The following RNF213 variants were observed in gnomAD, a reference collection of about 807,000 sequenced individuals.
The protein encoded by RNF213 is E3 ubiquitin-protein ligase RNF213.
Under a neutral mutation model 514.4 loss-of-function variants are expected in RNF213, and 341 were observed. The observed-to-expected ratio is 0.66, with a 90% CI of 0.61 to 0.73. The LOEUF (loss-of-function observed/expected upper bound fraction) is 0.73. Among genes scored for constraint, RNF213 ranks in the 30% least tolerant of loss-of-function variants. The pLI, the probability that RNF213 is intolerant of heterozygous loss-of-function variation, is 0.00. For synonymous variants in RNF213, 2,655 were observed against 2,658.2 expected, an observed-to-expected ratio of 1.00 and a Z score of 0.04; for missense variants, 5,767 against 6,615.6, an observed-to-expected ratio of 0.87 and a Z score of 4.45.
Position 80,336,257 on chromosome 17 carries a change from T to C in RNF213, c.4406T>C (p.Val1469Ala), listed in dbSNP as rs2077984708. Residue 1469 changes from valine to alanine, a missense_variant, in exon 23 of 68, where the codon GTG (valine) becomes GCG (alanine). By Grantham distance (64) the Val-to-Ala change is moderately conservative. Coordinates refer to ENST00000582970, the MANE Select transcript of RNF213 (RefSeq NM_001256071.3). Reference sequence around the variant, plus strand: ...CGGGTGGCCTGCTTCCATGACGCTGTGCAGGGCTACGCATCCCTGCTATTT... The same window carrying C: ...CGGGTGGCCTGCTTCCATGACGCTGCGCAGGGCTACGCATCCCTGCTATTT... ...VDRVACFHDAVQGYASLLFKL... is the reference protein window; with the variant it reads ...VDRVACFHDAAQGYASLLFKL... 1 of 1,537,122 alleles carries C rather than the reference T, an allele frequency of 6.5e-7. No homozygotes were observed. Among genetic ancestry groups the C allele is most frequent in the African/African-American group, 1.4e-5 (1 of 73,052 alleles).
At chr17:80,329,913 T>C (rs980300006) in intron 20 of RNF213, among the ~76,000 whole-genome samples, 1 of 152,234 alleles carries the variant, frequency 6.6e-6, no homozygotes, top group African/African-American at 2.4e-5. Context: ...CCTTGAGTTC[T>C]GGGAAATTCT....
At chr17:80,326,176 T>C (rs550802839) in intron 18 of RNF213, among the ~76,000 whole-genome samples, 1 of 152,002 alleles carries the variant, frequency 6.6e-6, no homozygotes, top group Non-Finnish European at 1.5e-5. Flanking sequence ...TAGCATGTAG[T>C]AGAGTGATGC....
At chr17:80,291,546 G>T in intron 7 of RNF213, 82 bp from the exon 8 acceptor site, 2 of 1,356,800 alleles carry the variant, frequency 1.5e-6, no homozygotes, top group Non-Finnish European at 1.1e-6. Flanking sequence ...TTATAGCTTT[G>T]CACTCCATGC....
chr17:80,261,403 A>C (rs945076498), intron 1 of RNF213, among the ~76,000 whole-genome samples: 6 of 152,112 alleles, frequency 3.9e-5, no homozygotes, highest in Admixed American at 3.9e-4. Flanking sequence ...CGTCCTTCCG[A>C]CTTGGCGAAG....
At chr17:80,282,832 G>A (rs2044346046) in intron 3 of RNF213, among the ~76,000 whole-genome samples, 1 of 151,998 alleles carries the variant, frequency 6.6e-6, no homozygotes, top group Admixed American at 6.6e-5. Flanking sequence ...AGAGTAGCTG[G>A]GATTACAGGT....
In RNF213 at chr17:80,388,618, C is replaced by T; in HGVS notation, c.14929C>T (p.Pro4977Ser). The change falls in exon 64 of 68, where the codon CCC becomes TCC. Residue 4977 changes from proline to serine, a missense_variant. By Grantham distance (74) the Pro-to-Ser change is moderately conservative. Coordinates refer to ENST00000582970, the MANE Select transcript of RNF213 (RefSeq NM_001256071.3). The part of the protein sequence containing the change: ...GKPRLSLKGI[P>S]TLVYRHDWNY... ...TTTTTCTTTCCCAATTTAGGGAATA[C>T]CCACTCTGGTGTACAGACACGACTG... The T allele has an allele frequency of 6.2e-7, 1 of 1,607,718 alleles. No individual in the cohort carries two copies. Among genetic ancestry groups the T allele is most frequent in the South Asian group, 1.1e-5 (1 of 90,962 alleles).
At chr17:80,275,390 A>G (rs957122422) in intron 3 of RNF213, among the ~76,000 whole-genome samples, 1 of 151,960 alleles carries the variant, frequency 6.6e-6, no homozygotes, top group Non-Finnish European at 1.5e-5. Context: ...ATTGAAGGCA[A>G]ATGAATAAAC....
intron 37 of RNF213, 23 bp downstream of exon 37, chr17:80,358,502 C>A: frequency 6.2e-7 from 1 of 1,602,692 alleles, no homozygotes; most frequent in Non-Finnish European, 8.5e-7. Context: ...CTTTCTTTCC[C>A]TGGGGAGAGA....
chr17:80,272,912 C>G lies in RNF213; in HGVS notation c.98-329C>G, dbSNP rs142656779. ...GTAGGGGAGGAAAGCGTAACAGGCTCTGTTTTAGAGGTGCCCGAGGTGCGC... is the reference window on the plus strand; with the variant it reads ...GTAGGGGAGGAAAGCGTAACAGGCTGTGTTTTAGAGGTGCCCGAGGTGCGC... On this transcript the variant is annotated intron_variant, in intron 2 of 67. Coordinates refer to ENST00000582970, the MANE Select transcript of RNF213 (RefSeq NM_001256071.3). 1.3e-3 allele frequency among the ~76,000 whole-genome samples: 203 copies of G among 151,720 alleles called. 1 individual carries two copies. The highest frequency in any genetic ancestry group is 4.5e-3 in the African/African-American group (185 of 41,550).
chr17:80,280,916 G>A (rs112185589), intron 3 of RNF213, among the ~76,000 whole-genome samples: 172 of 152,142 alleles, frequency 1.1e-3, no homozygotes, highest in African/African-American at 3.9e-3. Context: ...CTGGGGATGC[G>A]CACGGAGCAT....
Position 80,337,840 on chromosome 17 carries a change from C to T in RNF213, c.4676C>T (p.Pro1559Leu), listed in dbSNP as rs1313718136. 1.3e-6 allele frequency: 2 copies of T among 1,537,072 alleles called. No individual in the cohort carries two copies. Among genetic ancestry groups the T allele is most frequent in the South Asian group, 1.2e-5 (1 of 84,052 alleles). The change falls in exon 25 of 68, where the codon CCA becomes CTA. Residue 1559 changes from proline (P) to leucine (L), a missense_variant. Around this residue, in one of 13 missense-constraint regions of RNF213, gnomAD observed 1,377 missense variants for 1,635.2 expected, o/e 0.84. Transcript: ENST00000582970. ...QAPKGGQKISPDTVLHLILPE... is the reference protein window; with the variant it reads ...QAPKGGQKISLDTVLHLILPE... ...AACCTATGCTCTTCACAGATTTCCC[C>T]AGACACGGTTCTGCACTTGATCCTT...
Position 80,288,279 on chromosome 17 carries a change from G to A in RNF213, c.726G>A (p.Leu242=), listed in dbSNP as rs752750161. 2.5e-6 allele frequency: 4 copies of A among 1,613,194 alleles called. No homozygotes were observed. The Admixed American group carries it at 6.7e-5, about 27-fold the overall frequency. Residue 242 remains leucine, a synonymous_variant, in exon 4 of 68, where the codon CTG becomes CTA. Transcript: ENST00000582970. The surrounding 1 kb of genome is among the most constrained non-coding windows in gnomAD (Gnocchi z 4.9). ...SRTEDAAQEL[L]LPESKGGSSE... ...CTGAAGATGCTGCCCAGGAGCTCCT[G>A]TTGCCTGAGTCAAAAGGAGGCAGCT...
At chr17:80,337,508 G>A (rs1265112131) in intron 23 of RNF213, 78 bp from the exon 24 acceptor site, 4 of 1,503,408 alleles carry the variant, frequency 2.7e-6, no homozygotes, top group Non-Finnish European at 2.7e-6. Flanking sequence ...GGCAGAGGCG[G>A]GAGGCCGACC....
chr17:80,261,874 G>C (rs9914925), intron 1 of RNF213, among the ~76,000 whole-genome samples: 2 of 152,152 alleles, frequency 1.3e-5, no homozygotes, highest in African/African-American at 4.8e-5. Flanking sequence ...AAAATTAGCC[G>C]GGTGTGGTGG....
At position 80,346,744 on chromosome 17, in the gene RNF213, C is replaced by T. The variant is rs762734012; in HGVS notation, c.8409C>T (p.His2803=). 1.2e-6 allele frequency: 2 copies of T among 1,613,004 alleles called. No homozygotes were observed. The highest frequency in any genetic ancestry group is 1.7e-6 in the Non-Finnish European group (2 of 1,179,934). Residue 2803 remains histidine, a synonymous_variant, in exon 29 of 68, where the codon CAC becomes CAT. Coordinates refer to ENST00000582970, the MANE Select transcript of RNF213 (RefSeq NM_001256071.3). The surrounding 1 kb of genome is among the most constrained non-coding windows in gnomAD (Gnocchi z 8.1). Reference sequence around the variant, plus strand: ...TCTTCCGCAGCCTGAAGCAGGTCCACCTGGTGTCCTTCCAGTGCAGCCCGC... The same window carrying T: ...TCTTCCGCAGCCTGAAGCAGGTCCATCTGGTGTCCTTCCAGTGCAGCCCGC... ...SDLFRSLKQV[H]LVSFQCSPHS...
rs774221634 is a variant in RNF213, at chr17:80,353,654, C to T, written c.10566C>T (p.Leu3522=). 11 of 1,614,038 alleles carry T rather than the reference C, an allele frequency of 6.8e-6. No individual in the cohort carries two copies. Among genetic ancestry groups the T allele is most frequent in the African/African-American group, 4.0e-5 (3 of 74,892 alleles). The change falls in exon 34 of 68, where the codon CTC becomes CTT. Residue 3522 remains leucine, a synonymous_variant. Coordinates refer to ENST00000582970, the MANE Select transcript of RNF213 (RefSeq NM_001256071.3). The surrounding 1 kb of genome is among the most constrained non-coding windows in gnomAD (Gnocchi z 5.0). The part of the protein sequence containing the change: ...SEKVGKETSE[L]GGSDVSILDT... ...AGGTGGGAAAGGAAACCTCTGAACT[C>T]GGAGGCAGTGATGTAAGTTCTGGTT...
Position 80,332,545 on chromosome 17 carries a change from G to A in RNF213, c.4057G>A (p.Val1353Ile). The change falls in exon 21 of 68, where the codon GTC becomes ATC. Residue 1353 changes from valine (V) to isoleucine (I), a missense_variant. Around this residue, in one of 13 missense-constraint regions of RNF213, gnomAD observed 516 missense variants for 566.5 expected, o/e 0.91. Coordinates refer to ENST00000582970, the MANE Select transcript of RNF213 (RefSeq NM_001256071.3). ...IKEYHHLHQA[V>I]HAAKVILQVK... Reference sequence around the variant, plus strand: ...GGAATACCATCACCTGCACCAGGCTGTCCACGCAGCCAAGGTCATCTTGCA... The same window carrying A: ...GGAATACCATCACCTGCACCAGGCTATCCACGCAGCCAAGGTCATCTTGCA... 1 of 1,536,254 alleles carries A rather than the reference G, an allele frequency of 6.5e-7. No homozygotes were observed. Among genetic ancestry groups the A allele is most frequent in the Non-Finnish European group, 8.7e-7 (1 of 1,146,036 alleles).
At chr17:80,275,274 C>T (rs867716919) in intron 3 of RNF213, among the ~76,000 whole-genome samples, 13 of 151,858 alleles carry the variant, frequency 8.6e-5, no homozygotes, top group Middle Eastern at 6.8e-3. Context: ...ACCCCCAAGC[C>T]TGGAGCACAT....
Position 80,369,530 on chromosome 17 carries a change from C to T in RNF213, c.12184C>T (p.Arg4062Trp), listed in dbSNP as rs147941497. The T allele has an allele frequency of 1.2e-5, 19 of 1,613,822 alleles. No homozygotes were observed. The highest frequency in any genetic ancestry group is 8.3e-5 in the Admixed American group (5 of 60,006). ...AGCCATTGAAAAGCATGCCCGCTTC[C>T]GGCAGATGTGCAACAGTTTCTTCGT... ...REAIEKHARF[R>W]QMCNSFFVDL... The change falls in exon 45 of 68, where the codon CGG (arginine) becomes TGG (tryptophan). Residue 4062 changes from arginine to tryptophan, a missense_variant. Transcript: ENST00000582970.
Sources: allele counts gnomAD v4.1 joint callset (sites outside exome capture counted in the v4.1 genomes callset), GRCh38; gene constraint gnomAD v4.1.1; regional missense constraint gnomAD v4.1.1; non-coding constraint Gnocchi (gnomAD v3.1); transcripts MANE v1.5; gene names NCBI Gene and HGNC (gene_info 2026-07-23, HGNC 2026-07-21).